The following MEF2C variants were observed in gnomAD, a reference collection of about 807,000 sequenced individuals.
MEF2C encodes myocyte-specific enhancer factor 2C.
Under a neutral mutation model 50.5 loss-of-function variants are expected in MEF2C, and 6 were observed. That is an observed-to-expected ratio of 0.12 (90% CI 0.07 to 0.23). MEF2C has a LOEUF of 0.23. Ranked by LOEUF, MEF2C falls within the 10% of genes least tolerant of loss-of-function variation. The probability of loss-of-function intolerance (pLI) is 1.00; values close to 1 mark genes in which losing one functional copy is unlikely to be tolerated. For missense variants in MEF2C, 276 were observed against 605.0 expected, an observed-to-expected ratio of 0.46 and a Z score of 5.70; for synonymous variants, 183 against 228.0, an observed-to-expected ratio of 0.80 and a Z score of 1.78.
At chr5:88,830,573 A>G (rs1366074376) in intron 1 of MEF2C, among the ~76,000 whole-genome samples, 1 of 152,030 alleles carries the variant, frequency 6.6e-6, no homozygotes, top group Non-Finnish European at 1.5e-5. Flanking sequence ...ACTGCAGCTA[A>G]AATAGCATTC....
intron 7 of MEF2C, among the ~76,000 whole-genome samples, chr5:88,731,085 C>T (rs190438): frequency 0.6 from 90,471 of 152,004 alleles, 28,982 homozygotes; most frequent in Non-Finnish European, 0.72. Flanking sequence ...TATTTATCTT[C>T]CTTAGAGGTG....
upstream of MEF2C, among the ~76,000 whole-genome samples, chr5:88,886,866 C>G (rs1264322797): frequency 6.6e-6 from 1 of 152,182 alleles, no homozygotes; most frequent in African/African-American, 2.4e-5. Context: ...AATTTCTGTT[C>G]AGAGCTGCAT....
intron 1 of MEF2C, among the ~76,000 whole-genome samples, chr5:88,901,941 A>G (rs1295622812): frequency 1.3e-5 from 2 of 151,916 alleles, no homozygotes; most frequent in Non-Finnish European, 2.9e-5. Flanking sequence ...TAAATAATTG[A>G]CAGAGTCATA....
chr5:88,814,111 C>T (rs1434934066), intron 2 of MEF2C, among the ~76,000 whole-genome samples: 1 of 152,150 alleles, frequency 6.6e-6, no homozygotes, highest in Admixed American at 6.6e-5. Context: ...AGTCAAGAGT[C>T]TGCAACGACA....
intron 3 of MEF2C, among the ~76,000 whole-genome samples, chr5:88,789,508 C>T (rs534337343): frequency 6.6e-6 from 1 of 151,914 alleles, no homozygotes; most frequent in African/African-American, 2.4e-5. Context: ...AACCCAAACA[C>T]CCATTGTGTA....
chr5:88,717,215 G>C lies in MEF2C; in HGVS notation c.*5389C>G, dbSNP rs1213744063. On this transcript the variant is annotated 3_prime_UTR_variant, in exon 11 of 11. Transcript: ENST00000504921. ...AGCTAGGGCCATATGTGACTGCAGG[G>C]GTCACATGCCCACAAACAGCTTTGA... 1.3e-5 allele frequency: 2 copies of C among 152,108 alleles called. No homozygotes were observed. Among genetic ancestry groups the C allele is most frequent in the Non-Finnish European group, 2.9e-5 (2 of 68,006 alleles). 9.4% of individuals were successfully genotyped at this position (152,108 alleles called of 1,614,324 possible). A position where few individuals can be genotyped will look rare whatever the true frequency, so the allele number is the denominator to read the frequency against.
chr5:88,871,947 T>C (rs1829641188), intron 1 of MEF2C, among the ~76,000 whole-genome samples: 1 of 152,056 alleles, frequency 6.6e-6, no homozygotes. Context: ...TATTTTCTTT[T>C]CAAATAAAAA....
At chr5:88,886,892 C>A (rs907978002), upstream of MEF2C, among the ~76,000 whole-genome samples, 1 of 152,232 alleles carries the variant, frequency 6.6e-6, no homozygotes, top group Non-Finnish European at 1.5e-5. Flanking sequence ...CTTACTCCAA[C>A]CTCCTCTCTT....
At chr5:88,769,635 T>C (rs1208415231) in intron 3 of MEF2C, among the ~76,000 whole-genome samples, 4 of 152,210 alleles carry the variant, frequency 2.6e-5, no homozygotes. Flanking sequence ...TATATATCTA[T>C]ATCTATAGCT....
chr5:88,794,455 G>T (rs930404218), intron 3 of MEF2C, among the ~76,000 whole-genome samples: 5 of 152,238 alleles, frequency 3.3e-5, no homozygotes, highest in African/African-American at 1.2e-4. Context: ...TTTGAGAGGT[G>T]TCTGTTCATA....
chr5:88,748,755 A>C, intron 6 of MEF2C: 1 of 984,518 alleles, frequency 1.0e-6, no homozygotes, highest in African/African-American at 1.7e-5. Context: ...AGAACACAAA[A>C]AGTATGGTTT....
intron 8 of MEF2C, among the ~76,000 whole-genome samples, chr5:88,729,697 A>T (rs1403893661): frequency 1.4e-4 from 21 of 152,184 alleles, no homozygotes; most frequent in African/African-American, 5.1e-4. Flanking sequence ...AAAAAAAATT[A>T]AAATCAACCA....
At chr5:88,747,957 G>T in intron 6 of MEF2C, 1 of 660,822 alleles carries the variant, frequency 1.5e-6, no homozygotes, top group Non-Finnish European at 1.9e-6. Context: ...AAAATACTAC[G>T]TGAGTTTACA....
intron 3 of MEF2C, among the ~76,000 whole-genome samples, chr5:88,802,383 C>T (rs911069106): frequency 1.3e-5 from 2 of 152,180 alleles, no homozygotes; most frequent in African/African-American, 4.8e-5. Flanking sequence ...AGAAGTCTGA[C>T]TTTCAAATAT....
At chr5:88,783,238 G>A (rs1043296806) in intron 3 of MEF2C, among the ~76,000 whole-genome samples, 1 of 152,142 alleles carries the variant, frequency 6.6e-6, no homozygotes, top group Non-Finnish European at 1.5e-5. Flanking sequence ...GTCAGACCCT[G>A]TTCTAAGCAT....
intron 2 of MEF2C, among the ~76,000 whole-genome samples, chr5:88,818,637 C>T (rs759645084): frequency 2.6e-5 from 4 of 152,022 alleles, no homozygotes; most frequent in East Asian, 1.9e-4. Context: ...CCTCTGCAAA[C>T]GTCCTGTGTG....
intron 10 of MEF2C, among the ~76,000 whole-genome samples, chr5:88,724,370 T>TA (rs1357890992): frequency 1.3e-5 from 2 of 152,268 alleles, no homozygotes; most frequent in Admixed American, 6.5e-5. Context: ...GAAACGAGTT[T>TA]ATCTTTGAGT....
chr5:88,861,500 A>G (rs1340894676), intron 1 of MEF2C, among the ~76,000 whole-genome samples: 4 of 152,170 alleles, frequency 2.6e-5, no homozygotes, highest in African/African-American at 4.8e-5. Context: ...TCCAGTTCTG[A>G]GCTAATTCAC....
At chr5:88,730,306 CA>C (rs1554101872) in intron 7 of MEF2C, 72 bp from the exon 8 acceptor site, 1 of 1,503,784 alleles carries the variant, frequency 6.6e-7, no homozygotes, top group Non-Finnish European at 9.1e-7. Flanking sequence ...ATCTTTTCAA[CA>C]AAAGGAAAAG....
Sources: gnomAD v4.1 joint callset for allele counts (sites outside exome capture counted in the v4.1 genomes callset) on GRCh38, gnomAD v4.1.1 for gene constraint, MANE v1.5 for transcripts, NCBI Gene and HGNC (gene_info 2026-07-23, HGNC 2026-07-21) for gene names.